CDH4: variants seen among roughly 807,000 people sequenced by gnomAD.
CDH4 encodes cadherin-4.
In CDH4, 33 loss-of-function variants were observed where a neutral mutation model predicts 86.0. The ratio of observed to expected loss-of-function variants is 0.38; its 90% CI spans 0.29 to 0.51. The LOEUF (loss-of-function observed/expected upper bound fraction) is 0.51. Ranked by LOEUF, CDH4 falls within the 20% of genes least tolerant of loss-of-function variation. The pLI is 0.86. For missense variants in CDH4, 1,114 were observed against 1,307.4 expected (o/e 0.85, Z 2.28); for synonymous variants, 555 against 549.4 (o/e 1.01, Z -0.14).
intron 2 of CDH4, among the ~76,000 whole-genome samples, chr20:61,648,852 C>T (rs1232461295): frequency 6.6e-6 from 1 of 152,166 alleles, no homozygotes; most frequent in African/African-American, 2.4e-5. Context: ...GTGTCTGGCA[C>T]TGCGATTGCT....
At chr20:61,291,993 C>T (rs1166391163) in intron 2 of CDH4, among the ~76,000 whole-genome samples, 3 of 152,138 alleles carry the variant, frequency 2.0e-5, no homozygotes, top group Admixed American at 6.5e-5. Context: ...TGAGAACATG[C>T]GGTATTCGGT....
intron 2 of CDH4, among the ~76,000 whole-genome samples, chr20:61,357,899 C>T (rs1243536131): frequency 2.0e-5 from 3 of 152,016 alleles, no homozygotes; most frequent in African/African-American, 7.2e-5. Flanking sequence ...TTTTTTTTCC[C>T]CAGTCACCCC....
chr20:61,460,975 C>T (rs2085438702), intron 2 of CDH4, among the ~76,000 whole-genome samples: 1 of 152,164 alleles, frequency 6.6e-6, no homozygotes. Context: ...CCTGGGCTGC[C>T]CTGTCGACAG....
At chr20:61,313,294 C>G (rs13039549) in intron 2 of CDH4, among the ~76,000 whole-genome samples, 6,653 of 152,210 alleles carry the variant, frequency 0.044, 194 homozygotes, top group African/African-American at 0.067. Context: ...GGGAAGAGCC[C>G]GGAGACCCAG....
At chr20:61,459,963 C>T (rs2085432528) in intron 2 of CDH4, among the ~76,000 whole-genome samples, 1 of 152,034 alleles carries the variant, frequency 6.6e-6, no homozygotes, top group African/African-American at 2.4e-5. Flanking sequence ...CAGGTACCCC[C>T]ACACCTGGGA....
At chr20:61,592,174 TTGTC>T (rs1302907897) in intron 2 of CDH4, among the ~76,000 whole-genome samples, 3 of 152,220 alleles carry the variant, frequency 2.0e-5, no homozygotes, top group Non-Finnish European at 1.5e-5. Flanking sequence ...TGGTGTGAGT[TTGTC>T]TGTACTTCCC....
chr20:61,924,677 C>T (rs1207956123), intron 11 of CDH4, among the ~76,000 whole-genome samples: 1 of 152,226 alleles, frequency 6.6e-6, no homozygotes, highest in South Asian at 2.1e-4. Context: ...CATGCTCCCC[C>T]TCCACCCACT....
chr20:61,491,950 T>G (rs1223109232), intron 2 of CDH4, among the ~76,000 whole-genome samples: 2 of 152,008 alleles, frequency 1.3e-5, no homozygotes, highest in Non-Finnish European at 2.9e-5. Context: ...GGTGCTGATG[T>G]TGGTGGTGCT....
At chr20:61,934,765 G>A (rs2123016566) in intron 15 of CDH4, among the ~76,000 whole-genome samples, 1 of 135,124 alleles carries the variant, frequency 7.4e-6, no homozygotes, top group African/African-American at 2.7e-5. Context: ...GGACACAGCA[G>A]GTGGGAGCCA....
chr20:61,589,302 A>G (rs1263353775), intron 2 of CDH4, among the ~76,000 whole-genome samples: 1 of 152,222 alleles, frequency 6.6e-6, no homozygotes, highest in Non-Finnish European at 1.5e-5. Flanking sequence ...GCATGAAGAG[A>G]TGTTAAAACG....
intron 7 of CDH4, among the ~76,000 whole-genome samples, chr20:61,880,281 G>T (rs1377205830): frequency 6.6e-6 from 1 of 152,212 alleles, no homozygotes; most frequent in African/African-American, 2.4e-5. Context: ...GAGGGCAGTA[G>T]CCTGGGGCAG....
intron 5 of CDH4, among the ~76,000 whole-genome samples, chr20:61,849,769 C>A (rs969851077): frequency 6.6e-6 from 1 of 152,240 alleles, no homozygotes; most frequent in African/African-American, 2.4e-5. Flanking sequence ...ATGCCCTTCT[C>A]TCCTGCCTCC....
chr20:61,420,249 C>T (rs551561813), intron 2 of CDH4, among the ~76,000 whole-genome samples: 106 of 152,306 alleles, frequency 7.0e-4, no homozygotes, highest in Non-Finnish European at 1.4e-3. Flanking sequence ...TGCGGGGAAA[C>T]GCAGGGAGAG....
intron 2 of CDH4, among the ~76,000 whole-genome samples, chr20:61,423,277 C>T (rs564298830): frequency 1.3e-3 from 196 of 152,276 alleles, no homozygotes; most frequent in African/African-American, 3.6e-3. Context: ...CTGGTGAGCC[C>T]GCAGGGCAGG....
intron 6 of CDH4, among the ~76,000 whole-genome samples, chr20:61,862,123 TCTG>T (rs1983357166): frequency 6.6e-6 from 1 of 152,120 alleles, no homozygotes; most frequent in Non-Finnish European, 1.5e-5. Context: ...CACAGCCACT[TCTG>T]CACAGATGTC....
intron 2 of CDH4, among the ~76,000 whole-genome samples, chr20:61,416,379 T>C (rs919421112): frequency 9.2e-5 from 14 of 152,242 alleles, no homozygotes; most frequent in African/African-American, 3.4e-4. Flanking sequence ...CACGAGTGAA[T>C]GTTTGGCTCA....
At chr20:61,387,421 G>GACAC (rs11472506) in intron 2 of CDH4, among the ~76,000 whole-genome samples, 36,993 of 148,200 alleles carry the variant, frequency 0.25, 4,875 homozygotes, top group African/African-American at 0.35. Context: ...AACACACAGA[G>GACAC]ACACACAGCC....
chr20:61,762,701 T>C (rs1245300238), intron 3 of CDH4, among the ~76,000 whole-genome samples: 1 of 152,182 alleles, frequency 6.6e-6, no homozygotes, highest in Non-Finnish European at 1.5e-5. Flanking sequence ...CTTATACAAA[T>C]CGGACCCCCA....
chr20:61,320,025 A>G (rs2084499677), intron 2 of CDH4, among the ~76,000 whole-genome samples: 1 of 151,818 alleles, frequency 6.6e-6, no homozygotes, highest in Admixed American at 6.6e-5. Context: ...TATTTTGTTG[A>G]GCACTTGAAA....
Sources: gnomAD v4.1 joint callset for allele counts (sites outside exome capture counted in the v4.1 genomes callset) on GRCh38, gnomAD v4.1.1 for gene constraint, MANE v1.5 for transcripts, NCBI Gene and HGNC (gene_info 2026-07-23, HGNC 2026-07-21) for gene names.